Variants in MYO7B observed in about 807,000 individuals in gnomAD.
The protein encoded by MYO7B is myosin VIIB.
A neutral mutation model predicts 259.7 loss-of-function variants in MYO7B; 212 were observed. That is an observed-to-expected ratio of 0.82 (90% confidence interval 0.73 to 0.91). The LOEUF (loss-of-function observed/expected upper bound fraction) is 0.91. Ranked by LOEUF, MYO7B falls within the 40% of genes least tolerant of loss-of-function variation. MYO7B has a pLI of 0.00. For missense variants in MYO7B, 2,732 were observed against 2,813.5 expected, an observed-to-expected ratio of 0.97 and a Z score of 0.66; for synonymous variants, 1,197 against 1,166.4, an observed-to-expected ratio of 1.03 and a Z score of -0.54.
intron 30 of MYO7B, among the ~76,000 whole-genome samples, chr2:127,624,523 G>T (rs1206671369): frequency 3.9e-5 from 6 of 152,350 alleles, no homozygotes; most frequent in African/African-American, 1.2e-4. Flanking sequence ...GGGGTCCGTG[G>T]TTCTGGCAGC....
chr2:127,635,540 G>T, intron 43 of MYO7B, 182 bp from the exon 44 acceptor site: 1 of 706,536 alleles, frequency 1.4e-6, no homozygotes, highest in Non-Finnish European at 2.3e-6. Context: ...CCTCCACGCA[G>T]ATGTCAGGGG....
intron 2 of MYO7B, among the ~76,000 whole-genome samples, chr2:127,561,262 G>A (rs1678074469): frequency 6.6e-6 from 1 of 151,892 alleles, no homozygotes; most frequent in South Asian, 2.1e-4. Context: ...GTCTTTGAGA[G>A]GAGAGTAATT....
chr2:127,538,963 T>A (rs966305108), intron 1 of MYO7B, among the ~76,000 whole-genome samples: 9 of 152,206 alleles, frequency 5.9e-5, no homozygotes, highest in African/African-American at 2.2e-4. Context: ...GTAGCATCAC[T>A]TACCTTGCAG....
Position 127,576,548 on chromosome 2 carries a change from G to T in MYO7B, c.736-47G>T. ...GGCAGTCTGAGGCCCTGAGGCCTCAGGGGAATGGCTCATGAATCTGTCTGG... is the reference window on the plus strand; with the variant it reads ...GGCAGTCTGAGGCCCTGAGGCCTCATGGGAATGGCTCATGAATCTGTCTGG... On this transcript the variant is annotated intron_variant, in intron 7 of 47. Transcript: ENST00000409816. The surrounding 1 kb of genome is among the most constrained non-coding windows in gnomAD (Gnocchi z 4.9). 7.7e-7 allele frequency: 1 copy of T among 1,306,942 alleles called. No homozygotes were observed. 81.0% of individuals were successfully genotyped at this position (1,306,942 alleles called of 1,614,324 possible). A position where few individuals can be genotyped will look rare whatever the true frequency, so the allele number is the denominator to read the frequency against.
At chr2:127,569,100 C>T (rs1678477598) in intron 5 of MYO7B, among the ~76,000 whole-genome samples, 1 of 148,252 alleles carries the variant, frequency 6.7e-6, no homozygotes, top group South Asian at 2.1e-4. Context: ...CCCAGCTACT[C>T]AGGAAGCTGA....
intron 1 of MYO7B, among the ~76,000 whole-genome samples, chr2:127,544,666 C>T (rs1349230619): frequency 1.3e-5 from 2 of 151,290 alleles, no homozygotes; most frequent in East Asian, 1.9e-4. Flanking sequence ...CTGCAAGCTC[C>T]GCCTCCTGGG....
Position 127,627,401 on chromosome 2 carries a change from G to A in MYO7B, c.4460+91G>A, listed in dbSNP as rs1681194706. On this transcript the variant is annotated intron_variant, in intron 33 of 47. Coordinates refer to ENST00000409816, the MANE Select transcript of MYO7B (RefSeq NM_001393586.1). This position sits in a 1 kb window ranked among gnomAD's most constrained non-coding sequence, Gnocchi z 5.6. ...GGAGAGATGGGGAGAGGGGCAGTGT[G>A]CCGTCCCGGGTAACAGGCCGGGGTG... 7 of 1,528,470 alleles carry A rather than the reference G, an allele frequency of 4.6e-6. No homozygotes were observed. Among genetic ancestry groups the A allele is most frequent in the African/African-American group, 2.7e-5 (2 of 73,436 alleles). 94.7% of individuals were successfully genotyped at this position (1,528,470 alleles called of 1,614,324 possible).
chr2:127,561,399 C>T (rs1431662210), intron 2 of MYO7B, among the ~76,000 whole-genome samples: 4 of 152,070 alleles, frequency 2.6e-5, no homozygotes, highest in African/African-American at 9.7e-5. Context: ...GCTGGGACTA[C>T]AGGCACCCAC....
chr2:127,592,990 T>A, intron 17 of MYO7B, 44 bp downstream of exon 17: 6 of 1,424,382 alleles, frequency 4.2e-6, no homozygotes, highest in Non-Finnish European at 4.6e-6. Flanking sequence ...ATCCGCGGCC[T>A]TCCCCTCGGC....
rs934571836 is a variant in MYO7B, at chr2:127,611,495, G to A, written c.3193-755G>A. Among the ~76,000 whole-genome samples, 4 of 152,108 alleles carry A rather than the reference G, an allele frequency of 2.6e-5. No homozygotes were observed. The highest frequency in any genetic ancestry group is 5.9e-5 in the Non-Finnish European group (4 of 68,014). On this transcript the variant is annotated intron_variant, in intron 24 of 47. Coordinates refer to ENST00000409816, the MANE Select transcript of MYO7B (RefSeq NM_001393586.1). The surrounding 1 kb of genome is among the most constrained non-coding windows in gnomAD (Gnocchi z 5.4). ...CATGTGTTTATTAAATATCCATGAC[G>A]TGCCCCAGACACAGAGCAGTGAGCC...
At chr2:127,572,177 G>A (rs1678662216) in intron 6 of MYO7B, among the ~76,000 whole-genome samples, 2 of 152,176 alleles carry the variant, frequency 1.3e-5, no homozygotes, top group South Asian at 4.1e-4. Context: ...CCAGAACTTT[G>A]GGAGGCCAAG....
At position 127,584,770 on chromosome 2, in the gene MYO7B, T is replaced by A. The variant is rs1046238297; in HGVS notation, c.1555-8T>A. On this transcript the variant is annotated splice_region_variant and splice_polypyrimidine_tract_variant and intron_variant, in intron 13 of 47. Coordinates refer to ENST00000409816, the MANE Select transcript of MYO7B (RefSeq NM_001393586.1). The surrounding 1 kb of genome is among the most constrained non-coding windows in gnomAD (Gnocchi z 5.8). ...ACCTCAGCCCACAGGGTGTCTGGGT[T>A]CTTCCAGGGGACAGATCTCACCATG... 1.2e-6 allele frequency: 2 copies of A among 1,613,672 alleles called. No individual in the cohort carries two copies. Among genetic ancestry groups the A allele is most frequent in the Admixed American group, 3.3e-5 (2 of 59,984 alleles).
At chr2:127,545,174 T>C (rs1007859859) in intron 1 of MYO7B, among the ~76,000 whole-genome samples, 15 of 152,276 alleles carry the variant, frequency 9.9e-5, no homozygotes, top group African/African-American at 3.6e-4. Flanking sequence ...TACATCTACC[T>C]TGATGAACTT....
At chr2:127,600,067 A>G (rs909898098) in intron 19 of MYO7B, among the ~76,000 whole-genome samples, 1 of 152,140 alleles carries the variant, frequency 6.6e-6, no homozygotes, top group Non-Finnish European at 1.5e-5. Context: ...ATTGTGTAGA[A>G]TTGACGTGAA....
chr2:127,630,852 G>A lies in MYO7B; in HGVS notation c.4881G>A (p.Glu1627=), dbSNP rs754520948. ...GGCAGTTCACAGAGCCACGTCCTGA[G>A]GAGCCACCCAAGGAAAAGCTGCACA... ...QEGQFTEPRP[E]EPPKEKLHTL... is the part of the protein sequence containing the mutation. The change falls in exon 36 of 48, where the codon GAG becomes GAA. Residue 1627 remains glutamate (E), a synonymous_variant. Transcript: ENST00000409816. 1.2e-6 allele frequency: 2 copies of A among 1,612,136 alleles called. No homozygotes were observed. Among genetic ancestry groups the A allele is most frequent in the Admixed American group, 3.3e-5 (2 of 59,838 alleles).
At chr2:127,561,781 C>T (rs1328191273) in intron 2 of MYO7B, among the ~76,000 whole-genome samples, 3 of 152,220 alleles carry the variant, frequency 2.0e-5, no homozygotes, top group Non-Finnish European at 4.4e-5. Flanking sequence ...GACTGTCTGA[C>T]TTCACTGGGG....
In MYO7B at chr2:127,632,380, G is replaced by A. The variant is rs201947315; in HGVS notation, c.5384G>A (p.Arg1795His). 93 of 1,575,088 alleles carry A rather than the reference G, an allele frequency of 5.9e-5. No individual in the cohort carries two copies. The highest frequency in any genetic ancestry group is 5.4e-4 in the African/African-American group (40 of 73,962). Residue 1795 changes from arginine to histidine, a missense_variant, in exon 39 of 48, where the codon CGC (arginine) becomes CAC (histidine). Arg to His is a conservative substitution (Grantham distance 29). Around this residue, in one of 3 missense-constraint regions of MYO7B, gnomAD observed 821 missense variants for 769.3 expected, o/e 1.07. Coordinates refer to ENST00000409816, the MANE Select transcript of MYO7B (RefSeq NM_001393586.1). ...RGKLLAPDCS[R>H]RIQKVLRTGP... The stretch of plus-strand genomic sequence containing the variant: ...AAGCTGCTGGCCCCCGACTGCAGCC[G>A]CCGAATCCAGAAGGTCCTGAGGTGA...
chr2:127,594,778 T>G (rs1341054582), intron 18 of MYO7B, among the ~76,000 whole-genome samples: 1 of 152,234 alleles, frequency 6.6e-6, no homozygotes, highest in African/African-American at 2.4e-5. Flanking sequence ...ATTACGTGTA[T>G]TGATTTGCAT....
chr2:127,618,913 A>C (rs1680697255), intron 26 of MYO7B, among the ~76,000 whole-genome samples: 1 of 152,182 alleles, frequency 6.6e-6, no homozygotes, highest in African/African-American at 2.4e-5. Flanking sequence ...TGCCCAAGGA[A>C]CAGGAGCCAA....
Sources: allele counts gnomAD v4.1 joint callset (sites outside exome capture counted in the v4.1 genomes callset), GRCh38; gene constraint gnomAD v4.1.1; regional missense constraint gnomAD v4.1.1; non-coding constraint Gnocchi (gnomAD v3.1); transcripts MANE v1.5; gene names NCBI Gene and HGNC (gene_info 2026-07-23, HGNC 2026-07-21).